MADD: variants seen among roughly 807,000 people sequenced by gnomAD.
MADD encodes MAP kinase-activating death domain protein.
A neutral mutation model predicts 176.7 loss-of-function variants in MADD; 109 were observed. The ratio of observed to expected loss-of-function variants is 0.62; its 90% confidence interval spans 0.53 to 0.72. The LOEUF (loss-of-function observed/expected upper bound fraction) is 0.72, where lower values mean the gene tolerates loss of function less well. Ranked by LOEUF, MADD falls within the 30% of genes least tolerant of loss-of-function variation. MADD has a pLI of 0.00. For synonymous variants in MADD, 771 were observed against 771.3 expected (o/e 1.00, Z 0.01); for missense variants, 1,914 against 2,045.5 (o/e 0.94, Z 1.24).
intron 20 of MADD, 136 bp downstream of exon 22, chr11:47,294,119 G>A: frequency 1.5e-6 from 1 of 675,632 alleles, no homozygotes; most frequent in South Asian, 1.8e-5. Flanking sequence ...GGAGGCCGAG[G>A]CGGGTGGGTC....
intron 22 of MADD, among the ~76,000 whole-genome samples, chr11:47,308,363 C>T (rs570024911): frequency 6.6e-6 from 1 of 152,240 alleles, no homozygotes; most frequent in East Asian, 1.9e-4. Context: ...AGAAAATAAC[C>T]TTACAGAGAC....
chr11:47,272,745 C>G (rs1309772210), intron 1 of MADD, among the ~76,000 whole-genome samples: 1 of 152,198 alleles, frequency 6.6e-6, no homozygotes, highest in Admixed American at 6.5e-5. Context: ...AGAAATTTCT[C>G]TGAGCACGTC....
exon 33 of MADD, chr11:47,329,251 CGT>C (rs1310250138): frequency 1.1e-6 from 1 of 884,412 alleles, no homozygotes; most frequent in East Asian, 2.4e-5. Flanking sequence ...GGATGATGCT[CGT>C]GTGTCCTCTG....
intron 27 of MADD, among the ~76,000 whole-genome samples, chr11:47,320,069 CT>C (rs551543837): frequency 2.5e-3 from 330 of 133,678 alleles, no homozygotes; most frequent in Middle Eastern, 0.012. Context: ...CTTTCCGTGT[CT>C]TTTTTTTTTT....
exon 3 of MADD, chr11:47,274,903 A>G: frequency 1.9e-6 from 3 of 1,613,888 alleles, no homozygotes; most frequent in Non-Finnish European, 2.5e-6. Flanking sequence ...TGGCACTGAG[A>G]GCTCAGAGAG....
At chr11:47,312,062 A>G (rs1013077043) in intron 26 of MADD, among the ~76,000 whole-genome samples, 3 of 152,194 alleles carry the variant, frequency 2.0e-5, no homozygotes, top group African/African-American at 4.8e-5. Flanking sequence ...TCAGAAGGTG[A>G]AAACGATTTC....
chr11:47,270,664 G>A (rs528539850), intron 1 of MADD: 9 of 152,224 alleles, frequency 5.9e-5, no homozygotes, highest in African/African-American at 1.2e-4. Context: ...TGGTTCTCAA[G>A]AAATTTTTTT....
At chr11:47,324,906 C>T in intron 30 of MADD, 1 of 602,904 alleles carries the variant, frequency 1.7e-6, no homozygotes, top group Admixed American at 2.9e-5. Flanking sequence ...CTCTGCCTTC[C>T]TCTATTCCCA....
chr11:47,269,966 C>A (rs55712197), upstream of MADD: 1 of 152,376 alleles, frequency 6.6e-6, no homozygotes, highest in Non-Finnish European at 1.5e-5. Context: ...GGCGCGCCCT[C>A]CCGCGCCCAC....
chr11:47,278,130 G>A, intron 5 of MADD, 35 bp from the exon 6 acceptor site: 1 of 1,406,350 alleles, frequency 7.1e-7, no homozygotes, highest in Non-Finnish European at 1.0e-6. Context: ...GATAGGTTTT[G>A]TCTTTGTTTC....
intron 29 of MADD, 37 bp from the exon 33 acceptor site, chr11:47,324,434 C>G: frequency 3.1e-6 from 5 of 1,601,904 alleles, no homozygotes; most frequent in Non-Finnish European, 4.3e-6. Flanking sequence ...GATTCCCCAC[C>G]TCACCAGTGA....
intron 27 of MADD, among the ~76,000 whole-genome samples, chr11:47,315,843 T>G (rs2092687686): frequency 6.6e-6 from 1 of 150,594 alleles, no homozygotes; most frequent in East Asian, 1.9e-4. Flanking sequence ...TTTTTTTTTT[T>G]TTTTTTGAGA....
Position 47,284,213 on chromosome 11 carries a change from CTTCT to C in MADD, c.1900_1903del (p.Ser634ThrfsTer11). On this transcript the variant is annotated frameshift_variant, in exon 11 of 33. Coordinates refer to ENST00000402192, the Ensembl canonical transcript of MADD. LOFTEE classifies it high-confidence loss of function. Reference sequence around the variant, plus strand: ...AGTATGGATTATGACGATTCAAGCTCTTCTTACTCCTCCCTTGGTGACTTTGTCA... The same window carrying C: ...AGTATGGATTATGACGATTCAAGCTCTACTCCTCCCTTGGTGACTTTGTCA... 6.2e-7 allele frequency: 1 copy of C among 1,614,082 alleles called. No homozygotes were observed. The highest frequency in any genetic ancestry group is 2.2e-5 in the East Asian group (1 of 44,884).
intron 31 of MADD, chr11:47,327,764 G>C: frequency 1.0e-6 from 1 of 985,386 alleles, no homozygotes; most frequent in African/African-American, 1.7e-5. Context: ...TACCTCCCAG[G>C]GTCAGAAGAA....
At chr11:47,312,622 G>T (rs1381287919) in intron 26 of MADD, among the ~76,000 whole-genome samples, 1 of 152,178 alleles carries the variant, frequency 6.6e-6, no homozygotes, top group Admixed American at 6.6e-5. Context: ...TTTCAGTAGA[G>T]ATGGGCATTC....
chr11:47,311,667 C>T (rs2089386521), intron 25 of MADD, 65 bp from the exon 29 acceptor site: 2 of 1,021,086 alleles, frequency 2.0e-6, no homozygotes, highest in African/African-American at 1.6e-5. Context: ...TGTACATTCT[C>T]TTTTCTCTAC....
At chr11:47,326,493 C>CCATT in intron 30 of MADD, 51 bp from the exon 34 acceptor site, 2 of 1,328,098 alleles carry the variant, frequency 1.5e-6, no homozygotes, top group Non-Finnish European at 1.9e-6. Context: ...TTGGGTTTGA[C>CCATT]CATTCAAACT....
chr11:47,275,752 C>T (rs942464270), intron 3 of MADD, 147 bp from the exon 4 acceptor site: 53 of 737,322 alleles, frequency 7.2e-5, no homozygotes, highest in Middle Eastern at 4.0e-4. Context: ...ATATACTTTC[C>T]GGTCCTATCT....
chr11:47,276,569 G>A lies in MADD; in HGVS notation c.964-163G>A, dbSNP rs1450084921. On this transcript the variant is annotated intron_variant, in intron 4 of 32. Coordinates refer to ENST00000402192, the Ensembl canonical transcript of MADD. ...GTGACTGAGGATCACCATTGTGCCT[G>A]GATTGGGAGGTGGCAGGCATGGTGG... The A allele has an allele frequency of 4.0e-6, 3 of 746,380 alleles. No individual in the cohort carries two copies. In the African/African-American group the frequency reaches 5.2e-5, roughly 13 times the overall value. The allele number at this position is 746,380 out of a possible 1,614,324, so 46.2% of individuals were successfully genotyped here. A position where few individuals can be genotyped will look rare whatever the true frequency, so the allele number is the denominator to read the frequency against.
Sources: gnomAD v4.1 joint callset for allele counts (sites outside exome capture counted in the v4.1 genomes callset) on GRCh38, gnomAD v4.1.1 for gene constraint, MANE v1.5 for transcripts, NCBI Gene and HGNC (gene_info 2026-07-23, HGNC 2026-07-21) for gene names.